The following SCAMP1 variants were observed in gnomAD, a reference collection of about 807,000 sequenced individuals.
The protein encoded by SCAMP1 is secretory carrier membrane protein 1, also known as secretory carrier-associated membrane protein 1.
Under a neutral mutation model 41.8 loss-of-function variants are expected in SCAMP1, and 15 were observed. The ratio of observed to expected loss-of-function variants is 0.36; its 90% CI spans 0.24 to 0.55. SCAMP1 has a LOEUF of 0.55. SCAMP1 is among the 20% of genes least tolerant of loss of function. SCAMP1 has a pLI of 0.86. For synonymous variants in SCAMP1, 135 were observed against 136.8 expected (o/e 0.99, Z 0.09); for missense variants, 341 against 412.6 (o/e 0.83, Z 1.50).
chr5:78,443,383 T>C (rs1752976680), intron 6 of SCAMP1, among the ~76,000 whole-genome samples: 1 of 152,180 alleles, frequency 6.6e-6, no homozygotes, highest in South Asian at 2.1e-4. Flanking sequence ...TTGTAAGGTT[T>C]GAATGGGCAA....
At chr5:78,439,512 T>C (rs1752860801) in intron 6 of SCAMP1, among the ~76,000 whole-genome samples, 1 of 152,144 alleles carries the variant, frequency 6.6e-6, no homozygotes, top group African/African-American at 2.4e-5. Flanking sequence ...GGGTTGAAAA[T>C]TGTTTTCTTT....
chr5:78,382,776 G>GGTGTGTGTGTGT (rs61523492), intron 1 of SCAMP1, among the ~76,000 whole-genome samples: 42 of 130,338 alleles, frequency 3.2e-4, no homozygotes, highest in East Asian at 2.1e-3. Context: ...AGTATTCCAT[G>GGTGTGTGTGTGT]GTGTGTGTGT....
chr5:78,433,315 A>G (rs1156268358), intron 6 of SCAMP1, among the ~76,000 whole-genome samples: 1 of 152,090 alleles, frequency 6.6e-6, no homozygotes, highest in Non-Finnish European at 1.5e-5. Context: ...TCTTGTTAAA[A>G]ACTAGACATC....
intron 7 of SCAMP1, among the ~76,000 whole-genome samples, chr5:78,457,137 C>T (rs927153580): frequency 2.7e-5 from 4 of 149,156 alleles, no homozygotes; most frequent in African/African-American, 7.5e-5. Context: ...TGAATGTCCT[C>T]CCGTAGCTCA....
At chr5:78,410,897 GT>G (rs2112127721) in intron 2 of SCAMP1, among the ~76,000 whole-genome samples, 1 of 152,296 alleles carries the variant, frequency 6.6e-6, no homozygotes, top group Non-Finnish European at 1.5e-5. Flanking sequence ...CTAATGATCA[GT>G]GATGTTGAGC....
At chr5:78,381,786 C>T (rs147668052) in intron 1 of SCAMP1, among the ~76,000 whole-genome samples, 270 of 152,224 alleles carry the variant, frequency 1.8e-3, no homozygotes, top group Middle Eastern at 6.8e-3. Flanking sequence ...TAGGTTGTTT[C>T]ATTTGGTTAA....
At chr5:78,445,132 A>T (rs1453558112) in intron 6 of SCAMP1, among the ~76,000 whole-genome samples, 1 of 152,216 alleles carries the variant, frequency 6.6e-6, no homozygotes, top group East Asian at 1.9e-4. Flanking sequence ...GTTGTAATTA[A>T]TATCTCTGGT....
intron 1 of SCAMP1, among the ~76,000 whole-genome samples, chr5:78,370,269 C>G (rs1446183058): frequency 1.3e-5 from 2 of 152,132 alleles, no homozygotes; most frequent in Non-Finnish European, 2.9e-5. Context: ...AATATACTTG[C>G]AAATATTGTA....
intron 2 of SCAMP1, among the ~76,000 whole-genome samples, chr5:78,401,088 T>A (rs1325727803): frequency 6.6e-6 from 1 of 152,214 alleles, no homozygotes; most frequent in Non-Finnish European, 1.5e-5. Flanking sequence ...CTGTATCTAC[T>A]GATATGGTCA....
intron 1 of SCAMP1, 31 bp downstream of exon 1, chr5:78,360,759 C>T: frequency 6.3e-7 from 1 of 1,585,014 alleles, no homozygotes. Context: ...CTCCTGCCGC[C>T]GCGACGCGTC....
At chr5:78,403,446 T>G (rs976605377) in intron 2 of SCAMP1, among the ~76,000 whole-genome samples, 3 of 151,654 alleles carry the variant, frequency 2.0e-5, no homozygotes, top group Non-Finnish European at 4.4e-5. Flanking sequence ...AACCCATAAT[T>G]GAATACATTG....
intron 1 of SCAMP1, among the ~76,000 whole-genome samples, chr5:78,382,475 T>TA (rs1294813581): frequency 6.6e-6 from 1 of 152,148 alleles, no homozygotes; most frequent in East Asian, 1.9e-4. Flanking sequence ...GTTACATGAA[T>TA]AAGTTTCTCA....
intron 7 of SCAMP1, among the ~76,000 whole-genome samples, chr5:78,453,004 T>C (rs1243931944): frequency 6.8e-6 from 1 of 148,096 alleles, no homozygotes; most frequent in Non-Finnish European, 1.5e-5. Flanking sequence ...TGTCTGTTCA[T>C]GTCCTTCGCC....
chr5:78,448,404 A>G (rs1332095012), intron 6 of SCAMP1, among the ~76,000 whole-genome samples: 2 of 151,764 alleles, frequency 1.3e-5, no homozygotes, highest in Admixed American at 6.6e-5. Flanking sequence ...GATATATCTG[A>G]AAGAGGACTT....
chr5:78,364,465 T>A (rs1468689526), intron 1 of SCAMP1, among the ~76,000 whole-genome samples: 1 of 152,194 alleles, frequency 6.6e-6, no homozygotes, highest in East Asian at 1.9e-4. Context: ...ATATATTCAG[T>A]CAGATCTCAT....
chr5:78,470,667 CAT>C (rs1226528014), intron 8 of SCAMP1, among the ~76,000 whole-genome samples: 1 of 152,068 alleles, frequency 6.6e-6, no homozygotes, highest in Non-Finnish European at 1.5e-5. Context: ...CTCTTGTGTA[CAT>C]ATATACCCAA....
At chr5:78,460,754 T>G (rs901888547) in intron 8 of SCAMP1, among the ~76,000 whole-genome samples, 12 of 23,724 alleles carry the variant, frequency 5.1e-4, no homozygotes, top group African/African-American at 3.1e-3. Context: ...CCTTCCTTCC[T>G]TCCTTCCTTC....
rs3058233 is a variant in SCAMP1 at position 78,404,453 on chromosome 5, G to GTT, written c.136-11048_136-11047dup. Among the ~76,000 whole-genome samples, 109 of 98,166 alleles carry GTT rather than the reference G, an allele frequency of 1.1e-3. 3 individuals carry two copies. The highest frequency in any genetic ancestry group is 4.5e-3 in the African/African-American group (101 of 22,234). 64.4% of individuals were successfully genotyped at this position (98,166 alleles called of 152,430 possible). ...TGAGCCACTGTGCCCAGCCTTACAG[G>GTT]TTTTTTTTTTTTTTTTTTTTGCTAG... is the stretch of plus-strand genomic sequence containing the variant. On this transcript the variant is annotated intron_variant, in intron 2 of 8. Coordinates refer to ENST00000621999, the MANE Select transcript of SCAMP1 (RefSeq NM_004866.6).
intron 2 of SCAMP1, among the ~76,000 whole-genome samples, chr5:78,399,238 C>T (rs1187716577): frequency 6.6e-6 from 1 of 152,188 alleles, no homozygotes; most frequent in Non-Finnish European, 1.5e-5. Flanking sequence ...ATCTTAATTA[C>T]TACCAAATTT....
Sources: gnomAD v4.1 joint callset for allele counts (sites outside exome capture counted in the v4.1 genomes callset) on GRCh38, gnomAD v4.1.1 for gene constraint, MANE v1.5 for transcripts, NCBI Gene and HGNC (gene_info 2026-07-23, HGNC 2026-07-21) for gene names.